Variants in SMIM35 observed in about 807,000 individuals in gnomAD.
SMIM35 encodes the protein small integral membrane protein 35, also known as TMPRSS4 antisense RNA 1 (non-protein coding).
intron 1 of SMIM35, among the ~76,000 whole-genome samples, chr11:118,083,861 T>A (rs1945338971): frequency 6.6e-6 from 1 of 152,064 alleles, no homozygotes; most frequent in Non-Finnish European, 1.5e-5. Context: ...AAGACCAGCC[T>A]GGCCAACATG....
chr11:118,023,725 A>G (rs1215612765), intron 1 of SMIM35, among the ~76,000 whole-genome samples: 3 of 124,662 alleles, frequency 2.4e-5, no homozygotes, highest in Admixed American at 7.8e-5. Flanking sequence ...CATAGAGGGG[A>G]AAAAAAGTAA....
intron 1 of SMIM35, among the ~76,000 whole-genome samples, chr11:118,082,711 C>G (rs1414092743): frequency 2.0e-5 from 3 of 151,648 alleles, no homozygotes; most frequent in Non-Finnish European, 4.4e-5. Context: ...CAATGCTGCT[C>G]AGGGAAAAAA....
chr11:118,053,307 AACACACACACACACACACAC>A (rs57912361), intron 1 of SMIM35, among the ~76,000 whole-genome samples: 10 of 142,100 alleles, frequency 7.0e-5, no homozygotes, highest in East Asian at 4.2e-4. Flanking sequence ...GACTCTCTAA[AACACACACACACACACACAC>A]ACACACACAC....
At chr11:118,015,871 G>A (rs953822173) in intron 1 of SMIM35, 62 bp from the exon 2 acceptor site, 13 of 399,164 alleles carry the variant, frequency 3.3e-5, no homozygotes, top group Admixed American at 1.3e-4. Context: ...CCTGCACCAC[G>A]TTCCAAAGTT....
At chr11:118,012,321 A>G (rs1271290211) in intron 4 of SMIM35, among the ~76,000 whole-genome samples, 1 of 152,244 alleles carries the variant, frequency 6.6e-6, no homozygotes, top group African/African-American at 2.4e-5. Context: ...CTCTGCCTCC[A>G]GTCCAGCAGG....
intron 1 of SMIM35, among the ~76,000 whole-genome samples, chr11:118,040,808 A>G (rs1943987571): frequency 6.6e-6 from 1 of 152,174 alleles, no homozygotes; most frequent in African/African-American, 2.4e-5. Context: ...ATTTTTGTTA[A>G]TAATAGCACT....
At chr11:118,042,829 G>T (rs74368150) in intron 1 of SMIM35, among the ~76,000 whole-genome samples, 1 of 152,166 alleles carries the variant, frequency 6.6e-6, no homozygotes, top group Admixed American at 6.5e-5. Context: ...TTTCTCCCTC[G>T]AGAGCAAGAT....
At chr11:118,069,793 G>A (rs1944541767) in intron 1 of SMIM35, among the ~76,000 whole-genome samples, 1 of 152,180 alleles carries the variant, frequency 6.6e-6, no homozygotes, top group Non-Finnish European at 1.5e-5. Flanking sequence ...CAGGCGCGGT[G>A]GCTCGTGCCT....
At chr11:118,052,015 C>T (rs17599289) in intron 1 of SMIM35, among the ~76,000 whole-genome samples, 34,252 of 152,020 alleles carry the variant, frequency 0.23, 4,629 homozygotes, top group Non-Finnish European at 0.31. Flanking sequence ...TAGAACATGG[C>T]GCTGATGACA....
At chr11:118,030,102 T>C (rs2058305849) in intron 1 of SMIM35, among the ~76,000 whole-genome samples, 1 of 152,086 alleles carries the variant, frequency 6.6e-6, no homozygotes, top group South Asian at 2.1e-4. Context: ...TGGCGTGATC[T>C]CGGCTCACTG....
chr11:118,035,991 G>A (rs652469), intron 1 of SMIM35, among the ~76,000 whole-genome samples: 58,343 of 152,024 alleles, frequency 0.38, 11,783 homozygotes, highest in Non-Finnish European at 0.45. Flanking sequence ...GGGTTCCAGC[G>A]ATTCTTCTGT....
In SMIM35 at chr11:118,077,283, G is replaced by A. The variant is rs75506509; in HGVS notation, c.7+9468C>T. 1.5e-4 allele frequency: 243 copies of A among 1,601,042 alleles called. 1 individual carries two copies. The highest frequency in any genetic ancestry group is 6.6e-4 in the Middle Eastern group (4 of 6,034). On this transcript the variant is annotated intron_variant, in intron 1 of 4. Transcript: ENST00000689828. ...CTCAGCTCCAGGCTACAGGGAGACC[G>A]GGAGGATCACAGAGCCAGCATGGTG... is the stretch of plus-strand genomic sequence containing the variant.
At chr11:118,025,913 TTTACAGTTTTAGGTC>T (rs2058270494) in intron 1 of SMIM35, 1 of 368,602 alleles carries the variant, frequency 2.7e-6, no homozygotes, top group African/African-American at 2.2e-5. Context: ...TTCTAGGATT[TTTACAGTTTTAGGTC>T]TTACATTTAA....
At chr11:118,035,762 C>A (rs2058354834) in intron 1 of SMIM35, among the ~76,000 whole-genome samples, 1 of 152,208 alleles carries the variant, frequency 6.6e-6, no homozygotes, top group South Asian at 2.1e-4. Flanking sequence ...TGGACCTCAG[C>A]ATGGGGGATC....
intron 1 of SMIM35, among the ~76,000 whole-genome samples, chr11:118,031,626 G>T (rs1248973417): frequency 6.6e-6 from 1 of 152,060 alleles, no homozygotes; most frequent in Non-Finnish European, 1.5e-5. Context: ...GAGTCCAAAA[G>T]ACATTAATTA....
intron 1 of SMIM35, among the ~76,000 whole-genome samples, chr11:118,024,981 C>T (rs2058262999): frequency 6.6e-6 from 1 of 152,110 alleles, no homozygotes; most frequent in Admixed American, 6.6e-5. Flanking sequence ...CATATGTACC[C>T]AGTGTTAAGC....
intron 1 of SMIM35, among the ~76,000 whole-genome samples, chr11:118,033,905 G>A (rs572497228): frequency 3.9e-5 from 6 of 152,236 alleles, no homozygotes; most frequent in Admixed American, 3.3e-4. Flanking sequence ...TAATTTCTCC[G>A]AAACCCAGTT....
chr11:118,049,135 GC>G (rs1467253908), intron 1 of SMIM35, among the ~76,000 whole-genome samples: 3 of 151,858 alleles, frequency 2.0e-5, no homozygotes, highest in Non-Finnish European at 4.4e-5. Flanking sequence ...TCTTTTCCAG[GC>G]CTCCACAGGG....
chr11:118,024,423 A>G (rs960724194), intron 1 of SMIM35, among the ~76,000 whole-genome samples: 2 of 152,118 alleles, frequency 1.3e-5, no homozygotes, highest in Non-Finnish European at 2.9e-5. Context: ...CCTGAGCTAC[A>G]TGTTCACTGT....
Sources: allele counts gnomAD v4.1 joint callset (sites outside exome capture counted in the v4.1 genomes callset), GRCh38; gene constraint gnomAD v4.1.1; transcripts MANE v1.5; gene names NCBI Gene and HGNC (gene_info 2026-07-23, HGNC 2026-07-21).